The following RAB20 variants were observed in gnomAD, a reference collection of about 807,000 sequenced individuals.
RAB20 encodes the protein RAB20, member RAS oncogene family, also known as ras-related protein Rab-20.
A neutral mutation model predicts 3.7 loss-of-function variants in RAB20; 2 were observed. That is an observed-to-expected ratio of 0.54 (90% CI 0.22 to 1.69). RAB20 has a LOEUF of 1.69. Ranked by LOEUF, RAB20 falls within the 40% of genes most tolerant of loss-of-function variation. The pLI is 0.19. For synonymous variants in RAB20, 126 were observed against 130.8 expected, an observed-to-expected ratio of 0.96 and a Z score of 0.25; for missense variants, 276 against 311.9, an observed-to-expected ratio of 0.88 and a Z score of 0.87.
At chr13:110,552,841 TTAAG>T (rs1420404001) in intron 1 of RAB20, among the ~76,000 whole-genome samples, 12 of 152,316 alleles carry the variant, frequency 7.9e-5, no homozygotes, top group African/African-American at 2.6e-4. Flanking sequence ...TTGACCTTAA[TTAAG>T]TTTCTCCTGA....
At chr13:110,539,344 G>C (rs1884711957) in intron 1 of RAB20, among the ~76,000 whole-genome samples, 1 of 152,130 alleles carries the variant, frequency 6.6e-6, no homozygotes, top group South Asian at 2.1e-4. Context: ...TCAACTACCA[G>C]GACTGCTTGG....
At chr13:110,556,145 G>A (rs567364689) in intron 1 of RAB20, among the ~76,000 whole-genome samples, 7 of 152,342 alleles carry the variant, frequency 4.6e-5, no homozygotes, top group South Asian at 4.1e-4. Context: ...AGCTGTGGTC[G>A]GCAGATGCCC....
At chr13:110,541,040 C>T (rs940571739) in intron 1 of RAB20, among the ~76,000 whole-genome samples, 17 of 152,196 alleles carry the variant, frequency 1.1e-4, no homozygotes, top group African/African-American at 4.1e-4. Flanking sequence ...GGTTCTGCTG[C>T]TGCCAGCCCG....
intron 1 of RAB20, among the ~76,000 whole-genome samples, chr13:110,533,708 G>A (rs915993221): frequency 1.6e-5 from 2 of 127,402 alleles, no homozygotes; most frequent in African/African-American, 6.6e-5. Flanking sequence ...ATGGGATGTG[G>A]AAGCAACCAT....
chr13:110,525,725 G>A lies in RAB20; in HGVS notation c.173-1528C>T, dbSNP rs188238236. Among the ~76,000 whole-genome samples the A allele has an allele frequency of 7.2e-5, 11 of 152,308 alleles. No homozygotes were observed. The East Asian group carries it at 2.1e-3, about 29-fold the overall frequency. The stretch of plus-strand genomic sequence containing the variant: ...AGGGCCGAGCCGAGCACGCCTGCTG[G>A]TATGTCCTCCCAGCCTTGGCGTGCT... On this transcript the variant is annotated intron_variant, in intron 1 of 1. Coordinates refer to ENST00000267328, the MANE Select transcript of RAB20 (RefSeq NM_017817.3).
intron 1 of RAB20, among the ~76,000 whole-genome samples, chr13:110,545,802 T>C (rs1023359773): frequency 2.2e-4 from 34 of 152,290 alleles, no homozygotes; most frequent in African/African-American, 7.7e-4. Context: ...GTCTGTAAAA[T>C]ATGCCCTGTA....
At chr13:110,552,252 A>G (rs1884965223) in intron 1 of RAB20, among the ~76,000 whole-genome samples, 1 of 151,694 alleles carries the variant, frequency 6.6e-6, no homozygotes, top group South Asian at 2.1e-4. Flanking sequence ...GGTGGTGGGC[A>G]CCCATAATCC....
chr13:110,547,148 G>A (rs422517), intron 1 of RAB20, among the ~76,000 whole-genome samples: 2 of 152,260 alleles, frequency 1.3e-5, no homozygotes, highest in East Asian at 1.9e-4. Context: ...TGACTGTTGC[G>A]CCAAATCACA....
In RAB20 at chr13:110,561,580, C is replaced by T. The variant is rs1313271394; in HGVS notation, c.-61G>A. 1.1e-5 allele frequency: 16 copies of T among 1,499,282 alleles called. No individual in the cohort carries two copies. The highest frequency in any genetic ancestry group is 1.4e-5 in the Non-Finnish European group (16 of 1,127,108). 92.9% of individuals were successfully genotyped at this position (1,499,282 alleles called of 1,614,324 possible). A position where few individuals can be genotyped will look rare whatever the true frequency, so the allele number is the denominator to read the frequency against. The stretch of plus-strand genomic sequence containing the variant: ...TCCCCGAGGCTGGCCGGCTCGTGCG[C>T]CCTGGGCGCAGCTGGAGGAGCGGAC... On this transcript the variant is annotated 5_prime_UTR_variant, in exon 1 of 2. Coordinates refer to ENST00000267328, the MANE Select transcript of RAB20 (RefSeq NM_017817.3).
rs186218125 is a variant in RAB20 at position 110,555,197 on chromosome 13, G to A, written c.172+6151C>T. Among the ~76,000 whole-genome samples the A allele has an allele frequency of 2.6e-5, 4 of 152,228 alleles. No homozygotes were observed. The South Asian group carries it at 8.3e-4, about 32-fold the overall frequency. On this transcript the variant is annotated intron_variant, in intron 1 of 1. Transcript: ENST00000267328. This position sits in a 1 kb window ranked among gnomAD's most constrained non-coding sequence, Gnocchi z 4.0. ...TGTAAGTGTTGGAAGCACGAGTTTC[G>A]GAGGCAGCCCGTCCTGTTACACACA... is the stretch of plus-strand genomic sequence containing the variant.
At chr13:110,530,756 A>G (rs910319870) in intron 1 of RAB20, among the ~76,000 whole-genome samples, 3 of 140,856 alleles carry the variant, frequency 2.1e-5, no homozygotes, top group Non-Finnish European at 3.1e-5. Context: ...CTCCACCTCT[A>G]CACAGACACA....
At chr13:110,560,600 G>A (rs1456341410) in intron 1 of RAB20, among the ~76,000 whole-genome samples, 2 of 152,062 alleles carry the variant, frequency 1.3e-5, no homozygotes, top group African/African-American at 4.8e-5. Context: ...CTTTTGTAAG[G>A]AGAAGGAAAT....
At chr13:110,545,670 C>T (rs748382228) in intron 1 of RAB20, among the ~76,000 whole-genome samples, 6 of 152,120 alleles carry the variant, frequency 3.9e-5, no homozygotes, top group Non-Finnish European at 8.8e-5. Context: ...CACATGGGCC[C>T]CCAGAGCTTG....
At chr13:110,558,393 T>TTC in intron 1 of RAB20, among the ~76,000 whole-genome samples, 1 of 140,478 alleles carries the variant, frequency 7.1e-6, no homozygotes, top group African/African-American at 2.6e-5. Context: ...TTTTTTTTTT[T>TTC]TTTTTTTGAG....
At chr13:110,558,941 C>A (rs917931922) in intron 1 of RAB20, among the ~76,000 whole-genome samples, 1 of 151,952 alleles carries the variant, frequency 6.6e-6, no homozygotes, top group Admixed American at 6.6e-5. Flanking sequence ...CGTGATCCAC[C>A]CACCTCAGCC....
At chr13:110,546,392 C>T (rs1368209424) in intron 1 of RAB20, among the ~76,000 whole-genome samples, 3 of 152,214 alleles carry the variant, frequency 2.0e-5, no homozygotes. Flanking sequence ...CCAAATACAG[C>T]TGTGAGGGAA....
chr13:110,524,914 T>C (rs964466742), intron 1 of RAB20, among the ~76,000 whole-genome samples: 2 of 152,164 alleles, frequency 1.3e-5, no homozygotes, highest in Non-Finnish European at 2.9e-5. Context: ...CCGCCTGCCC[T>C]CCAGGTTTAA....
At chr13:110,543,305 T>C (rs1884797646) in intron 1 of RAB20, among the ~76,000 whole-genome samples, 2 of 152,096 alleles carry the variant, frequency 1.3e-5, no homozygotes, top group South Asian at 4.1e-4. Context: ...ATTTTTCTTA[T>C]TTTTTTGTAG....
chr13:110,526,877 G>A (rs377068280), intron 1 of RAB20, among the ~76,000 whole-genome samples: 4 of 152,092 alleles, frequency 2.6e-5, no homozygotes, highest in African/African-American at 9.7e-5. Context: ...GGCTCAAGAC[G>A]ACTGTACTTA....
Sources: gnomAD v4.1 joint callset for allele counts (sites outside exome capture counted in the v4.1 genomes callset) on GRCh38, gnomAD v4.1.1 for gene constraint, Gnocchi (gnomAD v3.1) non-coding constraint, MANE v1.5 for transcripts, NCBI Gene and HGNC (gene_info 2026-07-23, HGNC 2026-07-21) for gene names.